SMOC1: variants seen among roughly 807,000 people sequenced by gnomAD.
SMOC1 encodes the protein SPARC related modular calcium binding 1.
Under a neutral mutation model 56.3 loss-of-function variants are expected in SMOC1, and 22 were observed. That is an observed-to-expected ratio of 0.39 (90% CI 0.28 to 0.56). SMOC1 has a LOEUF of 0.56. Among genes scored for constraint, SMOC1 ranks in the 20% least tolerant of loss-of-function variants. The pLI, the probability that SMOC1 is intolerant of heterozygous loss-of-function variation, is 0.61. For synonymous variants in SMOC1, 193 were observed against 215.0 expected (o/e 0.90, Z 0.89); for missense variants, 509 against 565.4 (o/e 0.90, Z 1.01).
At position 70,023,291 on chromosome 14, in the gene SMOC1, A is replaced by C. The variant is rs766710070; in HGVS notation, c.1135A>C (p.Ile379Leu). The C allele has an allele frequency of 8.9e-5, 144 of 1,614,068 alleles. No homozygotes were observed. Among genetic ancestry groups the C allele is most frequent in the Non-Finnish European group, 1.2e-4 (139 of 1,180,038 alleles). The change falls in exon 11 of 12, where the codon ATT (isoleucine) becomes CTT (leucine). Residue 379 changes from isoleucine (I) to leucine (L), a missense_variant. Ile to Leu is a conservative substitution (Grantham distance 5). Around this residue, in one of 3 missense-constraint regions of SMOC1, gnomAD observed 176 missense variants for 188.1 expected, o/e 0.94. Coordinates refer to ENST00000361956, the MANE Select transcript of SMOC1 (RefSeq NM_001034852.3). ...GCTGGACAGCAATAGCAGCAACGACATTAACAAGCGGGAGATGAAGCCCTT... is the reference window on the plus strand; with the variant it reads ...GCTGGACAGCAATAGCAGCAACGACCTTAACAAGCGGGAGATGAAGCCCTT... ...SQLDSNSSND[I>L]NKREMKPFKR... is the part of the protein sequence containing the mutation.
chr14:69,994,343 T>C, intron 6 of SMOC1, 57 bp from the exon 7 acceptor site: 1 of 1,354,712 alleles, frequency 7.4e-7, no homozygotes, highest in Non-Finnish European at 1.1e-6. Context: ...AGGTTACACT[T>C]CCACTCACAT....
intron 10 of SMOC1, among the ~76,000 whole-genome samples, chr14:70,022,752 G>A (rs185047992): frequency 1.3e-3 from 195 of 152,362 alleles, no homozygotes; most frequent in African/African-American, 4.2e-3. Flanking sequence ...GGCACTGGGC[G>A]TACAGTGGAT....
chr14:70,006,473 C>T (rs1349507168), intron 7 of SMOC1, among the ~76,000 whole-genome samples: 1 of 152,164 alleles, frequency 6.6e-6, no homozygotes, highest in African/African-American at 2.4e-5. Context: ...GACCCATAAC[C>T]TCTAGAGAAG....
At chr14:69,940,140 C>G (rs1218044368) in intron 1 of SMOC1, among the ~76,000 whole-genome samples, 1 of 152,218 alleles carries the variant, frequency 6.6e-6, no homozygotes, top group Non-Finnish European at 1.5e-5. Context: ...GTTTTGGGAT[C>G]TTGTCTTTCC....
intron 1 of SMOC1, among the ~76,000 whole-genome samples, chr14:69,889,440 C>A (rs1306644632): frequency 1.3e-5 from 2 of 152,198 alleles, no homozygotes; most frequent in Non-Finnish European, 2.9e-5. Context: ...TGTATCCCAG[C>A]CAACCAGGAG....
intron 7 of SMOC1, among the ~76,000 whole-genome samples, chr14:70,000,369 C>T (rs541990570): frequency 6.6e-6 from 1 of 152,096 alleles, no homozygotes; most frequent in Admixed American, 6.5e-5. Context: ...AGTTTAAGGC[C>T]AATGAAAGTA....
chr14:69,996,887 G>A (rs1327157788), intron 7 of SMOC1, among the ~76,000 whole-genome samples: 1 of 152,176 alleles, frequency 6.6e-6, no homozygotes, highest in African/African-American at 2.4e-5. Flanking sequence ...TGCCACAAAG[G>A]CCTGTAACAG....
chr14:69,903,159 G>A (rs371871507), intron 1 of SMOC1, among the ~76,000 whole-genome samples: 53 of 151,732 alleles, frequency 3.5e-4, no homozygotes, highest in African/African-American at 1.1e-3. Context: ...CCGCCATCCC[G>A]TCTAGGAAGT....
intron 3 of SMOC1, among the ~76,000 whole-genome samples, chr14:69,970,618 G>T (rs925383975): frequency 6.6e-6 from 1 of 152,192 alleles, no homozygotes; most frequent in Non-Finnish European, 1.5e-5. Flanking sequence ...AAAGTGGAAG[G>T]TGGTATTTTT....
At chr14:69,903,425 C>T (rs1338796735) in intron 1 of SMOC1, among the ~76,000 whole-genome samples, 6 of 152,142 alleles carry the variant, frequency 3.9e-5, no homozygotes, top group East Asian at 1.9e-4. Flanking sequence ...TCATTGAGAA[C>T]GGGCCATGAT....
At chr14:69,959,835 A>G (rs906933354) in intron 3 of SMOC1, among the ~76,000 whole-genome samples, 15 of 152,104 alleles carry the variant, frequency 9.9e-5, no homozygotes, top group African/African-American at 3.6e-4. Context: ...ATTGGGCTCT[A>G]TTGTCATTTC....
At chr14:69,916,534 C>T (rs1040777751) in intron 1 of SMOC1, among the ~76,000 whole-genome samples, 2 of 152,234 alleles carry the variant, frequency 1.3e-5, no homozygotes, top group African/African-American at 4.8e-5. Flanking sequence ...GGCTGCCTCT[C>T]TGATCTGACC....
At chr14:69,981,906 C>T (rs1884193525) in intron 5 of SMOC1, among the ~76,000 whole-genome samples, 1 of 152,134 alleles carries the variant, frequency 6.6e-6, no homozygotes, top group African/African-American at 2.4e-5. Context: ...GCTGGCCCTG[C>T]CCTTCATTGC....
chr14:69,952,058 CA>C (rs1883016911), intron 1 of SMOC1, 79 bp from the exon 2 acceptor site: 2 of 1,505,768 alleles, frequency 1.3e-6, no homozygotes, highest in Non-Finnish European at 1.8e-6. Flanking sequence ...TAAAGGCAAA[CA>C]AGTACTGTAA....
intron 1 of SMOC1, among the ~76,000 whole-genome samples, chr14:69,911,849 A>G (rs1884564172): frequency 1.3e-5 from 2 of 152,202 alleles, no homozygotes; most frequent in African/African-American, 2.4e-5. Context: ...ATAAGTGTTC[A>G]CTTCTGTTGA....
At chr14:69,897,079 TC>T (rs747128174) in intron 1 of SMOC1, among the ~76,000 whole-genome samples, 3 of 152,226 alleles carry the variant, frequency 2.0e-5, no homozygotes, top group Non-Finnish European at 4.4e-5. Flanking sequence ...TTCGATATGT[TC>T]CCAGATGTGA....
At chr14:70,025,402 A>G (rs953790307) in intron 11 of SMOC1, among the ~76,000 whole-genome samples, 2 of 152,152 alleles carry the variant, frequency 1.3e-5, no homozygotes, top group African/African-American at 4.8e-5. Context: ...CCGCCCCGCC[A>G]TGGCTGGTTT....
intron 1 of SMOC1, among the ~76,000 whole-genome samples, chr14:69,913,886 T>A (rs1884618651): frequency 6.6e-6 from 1 of 152,226 alleles, no homozygotes; most frequent in Admixed American, 6.5e-5. Flanking sequence ...CTTGCCTGTT[T>A]AGAGAAGCTT....
intron 4 of SMOC1, among the ~76,000 whole-genome samples, chr14:69,976,490 C>G (rs973905502): frequency 3.3e-5 from 5 of 152,202 alleles, no homozygotes; most frequent in African/African-American, 1.2e-4. Context: ...CAAACTATTG[C>G]TTTATAGTGA....
Sources: allele counts gnomAD v4.1 joint callset (sites outside exome capture counted in the v4.1 genomes callset), GRCh38; gene constraint gnomAD v4.1.1; regional missense constraint gnomAD v4.1.1; transcripts MANE v1.5; gene names NCBI Gene and HGNC (gene_info 2026-07-23, HGNC 2026-07-21).